PDPK1: variants seen among roughly 807,000 people sequenced by gnomAD.
PDPK1 encodes the protein 3-phosphoinositide dependent protein kinase 1.
A neutral mutation model predicts 39.8 loss-of-function variants in PDPK1; 7 were observed. The observed-to-expected ratio is 0.18, with a 90% CI of 0.10 to 0.33. PDPK1 has a LOEUF of 0.33. Among genes scored for constraint, PDPK1 ranks in the 10% least tolerant of loss-of-function variants. PDPK1 has a pLI of 1.00. For missense variants in PDPK1, 182 were observed against 384.7 expected, an observed-to-expected ratio of 0.47 and a Z score of 4.41; for synonymous variants, 118 against 159.1, an observed-to-expected ratio of 0.74 and a Z score of 1.95.
At chr16:2,558,977 TTAA>T (rs1396648806) in intron 2 of PDPK1, among the ~76,000 whole-genome samples, 6 of 125,822 alleles carry the variant, frequency 4.8e-5, no homozygotes, top group Non-Finnish European at 9.5e-5. Context: ...ATTGTTTTAA[TTAA>T]TGTTAACTTT....
Position 2,597,823 on chromosome 16 carries a change from T to C in PDPK1, c.*56T>C. ...CCAGGACACCTGCCCCAGCGCGGCTTGGCCGCCATCCGGGACGCTTCCAGA... is the reference window on the plus strand; with the variant it reads ...CCAGGACACCTGCCCCAGCGCGGCTCGGCCGCCATCCGGGACGCTTCCAGA... On this transcript the variant is annotated 3_prime_UTR_variant, in exon 14 of 14. Transcript: ENST00000342085. This position sits in a 1 kb window ranked among gnomAD's most constrained non-coding sequence, Gnocchi z 6.3. 2.4e-6 allele frequency: 3 copies of C among 1,257,144 alleles called. No homozygotes were observed. Among genetic ancestry groups the C allele is most frequent in the Non-Finnish European group, 2.3e-6 (2 of 863,700 alleles). 77.9% of individuals were successfully genotyped at this position (1,257,144 alleles called of 1,614,324 possible).
chr16:2,591,456 T>A (rs1481511035), intron 11 of PDPK1, among the ~76,000 whole-genome samples: 1 of 152,222 alleles, frequency 6.6e-6, no homozygotes. Flanking sequence ...GATTTCACAT[T>A]GCAACCGAGC....
intron 10 of PDPK1, 59 bp from the exon 11 acceptor site, chr16:2,586,617 G>A (rs772994319): frequency 2.7e-6 from 4 of 1,494,482 alleles, no homozygotes; most frequent in Admixed American, 1.7e-5. Flanking sequence ...AGGGGCTGGG[G>A]TTTTAGGACC....
rs113716221 is a variant in PDPK1, at chr16:2,599,835, T to G, written c.*2068T>G. The stretch of plus-strand genomic sequence containing the variant: ...AGTGGAGCAGGGACGTGGCTTTAAT[T>G]GGAGCACTCGGCTGGGCTGCTTGGG... On this transcript the variant is annotated 3_prime_UTR_variant, in exon 14 of 14. Coordinates refer to ENST00000342085, the MANE Select transcript of PDPK1 (RefSeq NM_002613.5). 0.11 allele frequency: 24,865 copies of G among 226,494 alleles called. 60 individuals are homozygous for G. Among genetic ancestry groups the G allele is most frequent in the African/African-American group, 0.15 (6,735 of 43,914 alleles). The allele number at this position is 226,494 out of a possible 1,614,324, so 14.0% of individuals were successfully genotyped here. A position where few individuals can be genotyped will look rare whatever the true frequency, so the allele number is the denominator to read the frequency against.
intron 1 of PDPK1, among the ~76,000 whole-genome samples, chr16:2,541,804 C>T (rs1453037307): frequency 1.3e-5 from 2 of 152,116 alleles, no homozygotes; most frequent in African/African-American, 4.8e-5. Context: ...CAGTGTGATA[C>T]CATGTCCTTT....
At position 2,553,517 on chromosome 16, in the gene PDPK1, T is replaced by A. The variant is rs1418725879; in HGVS notation, c.25-4186T>A. 5.7e-5 allele frequency among the ~76,000 whole-genome samples: 7 copies of A among 123,086 alleles called. No homozygotes were observed. The South Asian group carries it at 9.1e-4, about 16-fold the overall frequency. 80.7% of individuals were successfully genotyped at this position (123,086 alleles called of 152,430 possible). A position where few individuals can be genotyped will look rare whatever the true frequency, so the allele number is the denominator to read the frequency against. ...CCACAGCCAGCAGATTTTTTTTTTT[T>A]TTATTAGATGTGAGGTCTCGCCATG... On this transcript the variant is annotated intron_variant, in intron 1 of 13. Transcript: ENST00000342085.
At chr16:2,585,573 G>A (rs1373195915) in intron 10 of PDPK1, among the ~76,000 whole-genome samples, 2 of 152,368 alleles carry the variant, frequency 1.3e-5, no homozygotes, top group African/African-American at 4.8e-5. Context: ...CTGAGGTCCT[G>A]TAAGTGCCGG....
intron 2 of PDPK1, among the ~76,000 whole-genome samples, chr16:2,558,421 A>G (rs1226958238): frequency 2.7e-5 from 4 of 150,468 alleles, no homozygotes; most frequent in Admixed American, 1.3e-4. Context: ...TTTTGAATAC[A>G]TAAAACAGTA....
At chr16:2,538,517 C>T (rs1346657128) in intron 1 of PDPK1, 3 of 673,270 alleles carry the variant, frequency 4.5e-6, no homozygotes, top group South Asian at 2.9e-5. Context: ...CCGCCCTGGG[C>T]TTCCACCTGG....
Position 2,597,192 on chromosome 16 carries a change from A to G in PDPK1, c.1471A>G (p.Asn491Asp), listed in dbSNP as rs768116696. ...ACATTTATATTATGTGGATCCTGTC[A>G]ACAAAGTTCTGAAAGGTGAAATTCC... ...GPHLYYVDPV[N>D]KVLKGEIPWS... The change falls in exon 13 of 14, where the codon AAC becomes GAC. Residue 491 changes from asparagine (N) to aspartate (D), a missense_variant. Asn to Asp is a conservative substitution (Grantham distance 23). Coordinates refer to ENST00000342085, the MANE Select transcript of PDPK1 (RefSeq NM_002613.5). This position sits in a 1 kb window ranked among gnomAD's most constrained non-coding sequence, Gnocchi z 6.3. The G allele has an allele frequency of 6.3e-7, 1 of 1,594,218 alleles. No individual in the cohort carries two copies. Among genetic ancestry groups the G allele is most frequent in the Admixed American group, 1.7e-5 (1 of 59,518 alleles).
chr16:2,595,587 C>T (rs760382226), intron 11 of PDPK1, among the ~76,000 whole-genome samples: 35 of 152,188 alleles, frequency 2.3e-4, no homozygotes, highest in Non-Finnish European at 4.0e-4. Flanking sequence ...CTGCAGGCTC[C>T]GTTGCAAATA....
intron 6 of PDPK1, 124 bp from the exon 7 acceptor site, chr16:2,577,301 C>T: frequency 2.9e-6 from 2 of 700,954 alleles, no homozygotes; most frequent in Non-Finnish European, 5.2e-6. Flanking sequence ...ATGAGCCAGC[C>T]CCGGTGCGCC....
chr16:2,585,420 G>C (rs1435462055), intron 10 of PDPK1, among the ~76,000 whole-genome samples: 1 of 152,208 alleles, frequency 6.6e-6, no homozygotes, highest in Non-Finnish European at 1.5e-5. Flanking sequence ...CTTCAGGGCT[G>C]TACCTCCTCC....
chr16:2,556,307 G>C lies in PDPK1; in HGVS notation c.25-1396G>C, dbSNP rs1393499400. 4.3e-4 allele frequency among the ~76,000 whole-genome samples: 64 copies of C among 147,938 alleles called. 1 individual carries two copies. The highest frequency in any genetic ancestry group is 3.2e-3 in the Admixed American group (47 of 14,862). On this transcript the variant is annotated intron_variant, in intron 1 of 13. Coordinates refer to ENST00000342085, the MANE Select transcript of PDPK1 (RefSeq NM_002613.5). ...TGCTGTGTTTGCCCAGGCTGGTCTT[G>C]AACTCATGGGCTGAAGTGATCCACC...
chr16:2,585,464 G>T (rs996184431), intron 10 of PDPK1, among the ~76,000 whole-genome samples: 1 of 152,218 alleles, frequency 6.6e-6, no homozygotes, highest in Non-Finnish European at 1.5e-5. Context: ...CCTTCATGGG[G>T]AATGGGCACT....
In PDPK1 at chr16:2,597,840, G is replaced by A. The variant is rs1273184933; in HGVS notation, c.*73G>A. The A allele has an allele frequency of 1.8e-5, 17 of 938,078 alleles. No homozygotes were observed. Among genetic ancestry groups the A allele is most frequent in the Middle Eastern group, 3.2e-4 (1 of 3,108 alleles). The allele number at this position is 938,078 out of a possible 1,614,324, so 58.1% of individuals were successfully genotyped here. A position where few individuals can be genotyped will look rare whatever the true frequency, so the allele number is the denominator to read the frequency against. On this transcript the variant is annotated 3_prime_UTR_variant, in exon 14 of 14. Coordinates refer to ENST00000342085, the MANE Select transcript of PDPK1 (RefSeq NM_002613.5). This position sits in a 1 kb window ranked among gnomAD's most constrained non-coding sequence, Gnocchi z 6.3. Reference sequence around the variant, plus strand: ...GCGCGGCTTGGCCGCCATCCGGGACGCTTCCAGACCACCTGCCAGCCATCA... The same window carrying A: ...GCGCGGCTTGGCCGCCATCCGGGACACTTCCAGACCACCTGCCAGCCATCA...
In PDPK1 at chr16:2,597,393, C is replaced by T; in HGVS notation, c.1554+118C>T. 1.1e-6 allele frequency: 1 copy of T among 926,500 alleles called. No individual in the cohort carries two copies. Among genetic ancestry groups the T allele is most frequent in the Non-Finnish European group, 1.7e-6 (1 of 601,562 alleles). The allele number at this position is 926,500 out of a possible 1,614,324, so 57.4% of individuals were successfully genotyped here. On this transcript the variant is annotated intron_variant, in intron 13 of 13. Coordinates refer to ENST00000342085, the MANE Select transcript of PDPK1 (RefSeq NM_002613.5). The surrounding 1 kb of genome is among the most constrained non-coding windows in gnomAD (Gnocchi z 6.3). Reference sequence around the variant, plus strand: ...GCGGGGATCGGGGCAGCTGCCTCGCCCTTTCCGACATCCCAGACGCCCACA... The same window carrying T: ...GCGGGGATCGGGGCAGCTGCCTCGCTCTTTCCGACATCCCAGACGCCCACA...
At chr16:2,596,469 C>T (rs1477222412) in intron 12 of PDPK1, among the ~76,000 whole-genome samples, 3 of 152,240 alleles carry the variant, frequency 2.0e-5, no homozygotes, top group African/African-American at 7.2e-5. Context: ...GCTGGGATTA[C>T]AGGCGTGAGC....
At chr16:2,551,862 T>C (rs1156809723) in intron 1 of PDPK1, among the ~76,000 whole-genome samples, 2 of 151,398 alleles carry the variant, frequency 1.3e-5, no homozygotes, top group East Asian at 1.9e-4. Context: ...AGACGGGGTT[T>C]CAACTATTGG....
Sources: allele counts gnomAD v4.1 joint callset (sites outside exome capture counted in the v4.1 genomes callset), GRCh38; gene constraint gnomAD v4.1.1; non-coding constraint Gnocchi (gnomAD v3.1); transcripts MANE v1.5; gene names NCBI Gene and HGNC (gene_info 2026-07-23, HGNC 2026-07-21).